The following SHB variants were observed in gnomAD, a reference collection of about 807,000 sequenced individuals.
SHB encodes the protein SH2 domain containing adaptor protein B.
In SHB, 20 loss-of-function variants were observed where a neutral mutation model predicts 52.3. The ratio of observed to expected loss-of-function variants is 0.38; its 90% CI spans 0.27 to 0.56. SHB has a LOEUF of 0.56. Among genes scored for constraint, SHB ranks in the 20% least tolerant of loss-of-function variants. The probability of loss-of-function intolerance (pLI) is 0.71; values close to 1 mark genes in which losing one functional copy is unlikely to be tolerated. For synonymous variants in SHB, 397 were observed against 316.5 expected (o/e 1.25, Z -2.70); for missense variants, 825 against 723.3 (o/e 1.14, Z -1.61).
intron 1 of SHB, among the ~76,000 whole-genome samples, chr9:38,041,030 GAA>G (rs772476133): frequency 9.6e-4 from 146 of 152,142 alleles, no homozygotes; most frequent in Admixed American, 2.0e-3. Flanking sequence ...CTCAAGCAGA[GAA>G]GGTCTGAGGA....
At chr9:38,011,106 T>C (rs1054724062) in intron 2 of SHB, among the ~76,000 whole-genome samples, 3 of 152,206 alleles carry the variant, frequency 2.0e-5, no homozygotes, top group Non-Finnish European at 2.9e-5. Context: ...CTGATCAGTG[T>C]CCAGCGCCCT....
intron 3 of SHB, among the ~76,000 whole-genome samples, chr9:37,967,679 T>C (rs1042654477): frequency 1.2e-4 from 19 of 152,314 alleles, no homozygotes; most frequent in African/African-American, 3.8e-4. Flanking sequence ...TGGGAACCTG[T>C]TGGAAATGCA....
intron 1 of SHB, among the ~76,000 whole-genome samples, chr9:38,059,585 A>G (rs1821865831): frequency 6.6e-6 from 1 of 152,262 alleles, no homozygotes; most frequent in African/African-American, 2.4e-5. Context: ...AAACAGGAAG[A>G]GAAGGAAAAT....
intron 5 of SHB, among the ~76,000 whole-genome samples, chr9:37,947,110 C>T (rs1017362227): frequency 1.3e-5 from 2 of 152,206 alleles, no homozygotes; most frequent in African/African-American, 4.8e-5. Context: ...GAACTTTCCT[C>T]GGCTGCCATA....
intron 2 of SHB, among the ~76,000 whole-genome samples, chr9:37,994,354 C>T (rs1820922205): frequency 6.6e-6 from 1 of 152,208 alleles, no homozygotes; most frequent in Admixed American, 6.5e-5. Context: ...TCTGTCCCAT[C>T]CCTCATTCCA....
Position 38,068,679 on chromosome 9 carries a change from C to A in SHB, c.-34G>T. 10 of 1,270,800 alleles carry A rather than the reference C, an allele frequency of 7.9e-6. No individual in the cohort carries two copies. Among genetic ancestry groups the A allele is most frequent in the Non-Finnish European group, 9.9e-6 (10 of 1,013,308 alleles). The allele number at this position is 1,270,800 out of a possible 1,614,324, so 78.7% of individuals were successfully genotyped here. A position where few individuals can be genotyped will look rare whatever the true frequency, so the allele number is the denominator to read the frequency against. ...GCCGCCTAGGGCCGCGGCGCGGGAGCCCGGTCCGCCGCCGCGGCCATTCGG... is the reference window on the plus strand; with the variant it reads ...GCCGCCTAGGGCCGCGGCGCGGGAGACCGGTCCGCCGCCGCGGCCATTCGG... On this transcript the variant is annotated 5_prime_UTR_variant, in exon 1 of 6. Transcript: ENST00000377707.
chr9:37,958,030 G>A (rs186898210), intron 3 of SHB, among the ~76,000 whole-genome samples: 2 of 152,344 alleles, frequency 1.3e-5, no homozygotes, highest in Non-Finnish European at 2.9e-5. Context: ...TCTGAGAGAC[G>A]TGGAGAGCCG....
intron 1 of SHB, among the ~76,000 whole-genome samples, chr9:38,028,249 C>CA: frequency 6.6e-6 from 1 of 152,150 alleles, no homozygotes. Context: ...TTAGATCCTG[C>CA]AACATCAATC....
intron 1 of SHB, among the ~76,000 whole-genome samples, chr9:38,058,820 T>C (rs1821854453): frequency 6.6e-6 from 1 of 152,162 alleles, no homozygotes; most frequent in Admixed American, 6.6e-5. Context: ...TCCCTCTGCC[T>C]GGAATGCCGT....
chr9:38,038,991 C>T (rs1027060428), intron 1 of SHB, among the ~76,000 whole-genome samples: 4 of 152,138 alleles, frequency 2.6e-5, no homozygotes, highest in African/African-American at 7.2e-5. Flanking sequence ...GACTGTCAGC[C>T]GTGAAGAAAA....
chr9:37,976,870 A>T (rs1820663501), intron 2 of SHB, among the ~76,000 whole-genome samples: 1 of 152,196 alleles, frequency 6.6e-6, no homozygotes, highest in South Asian at 2.1e-4. Context: ...ACACACACAA[A>T]TGACATCAGC....
chr9:37,967,830 G>T (rs982435970), intron 3 of SHB, among the ~76,000 whole-genome samples: 2 of 152,226 alleles, frequency 1.3e-5, no homozygotes, highest in African/African-American at 4.8e-5. Context: ...GAAATCCACA[G>T]ACATGTCAGA....
At chr9:38,001,834 G>A (rs566112245) in intron 2 of SHB, among the ~76,000 whole-genome samples, 4 of 152,178 alleles carry the variant, frequency 2.6e-5, no homozygotes, top group African/African-American at 7.2e-5. Flanking sequence ...ACACTTACCC[G>A]CTGAGACCTC....
At chr9:37,921,977 C>A (rs1359997782) in intron 5 of SHB, among the ~76,000 whole-genome samples, 1 of 152,216 alleles carries the variant, frequency 6.6e-6, no homozygotes, top group Non-Finnish European at 1.5e-5. Context: ...GAGAGCAGGG[C>A]TGGTAAGGAG....
At chr9:37,982,467 G>A (rs917424452) in intron 2 of SHB, among the ~76,000 whole-genome samples, 2 of 151,832 alleles carry the variant, frequency 1.3e-5, no homozygotes, top group African/African-American at 2.4e-5. Flanking sequence ...TACTCCAGCC[G>A]GGGCAAAAGA....
chr9:37,976,826 C>A (rs1019040090), intron 2 of SHB, among the ~76,000 whole-genome samples: 6 of 152,214 alleles, frequency 3.9e-5, no homozygotes, highest in African/African-American at 1.4e-4. Context: ...GCAGAAGCCA[C>A]AGGAGTTATG....
At chr9:38,008,337 G>A (rs1423529294) in intron 2 of SHB, among the ~76,000 whole-genome samples, 2 of 152,242 alleles carry the variant, frequency 1.3e-5, no homozygotes, top group East Asian at 3.8e-4. Flanking sequence ...AGCTCTGCGG[G>A]TGAGCACCAC....
intron 1 of SHB, among the ~76,000 whole-genome samples, chr9:38,053,826 G>A (rs1159250355): frequency 2.6e-5 from 4 of 152,180 alleles, no homozygotes; most frequent in African/African-American, 9.7e-5. Context: ...CTTCCTAAAT[G>A]CTAGGCATTG....
chr9:37,984,700 G>A (rs1189516908), intron 2 of SHB, among the ~76,000 whole-genome samples: 2 of 152,180 alleles, frequency 1.3e-5, no homozygotes, highest in African/African-American at 4.8e-5. Flanking sequence ...GAGCTCTGCG[G>A]GAGTGCCAGG....
Sources: gnomAD v4.1 joint callset for allele counts (sites outside exome capture counted in the v4.1 genomes callset) on GRCh38, gnomAD v4.1.1 for gene constraint, MANE v1.5 for transcripts, NCBI Gene and HGNC (gene_info 2026-07-23, HGNC 2026-07-21) for gene names.